The following ATP8A1 variants were observed in gnomAD, a reference collection of about 807,000 sequenced individuals.
ATP8A1 encodes phospholipid-transporting ATPase IA.
Under a neutral mutation model 177.7 loss-of-function variants are expected in ATP8A1, and 90 were observed. The observed-to-expected ratio is 0.51, with a 90% CI of 0.43 to 0.60. The LOEUF (loss-of-function observed/expected upper bound fraction) is 0.60, where lower values mean the gene tolerates loss of function less well. Among genes scored for constraint, ATP8A1 ranks in the 20% least tolerant of loss-of-function variants. The pLI is 0.00. For synonymous variants in ATP8A1, 493 were observed against 485.9 expected (o/e 1.01, Z -0.19); for missense variants, 1,072 against 1,392.8 (o/e 0.77, Z 3.67).
At chr4:42,546,077 C>T (rs1051634761) in intron 19 of ATP8A1, among the ~76,000 whole-genome samples, 1 of 152,046 alleles carries the variant, frequency 6.6e-6, no homozygotes, top group Non-Finnish European at 1.5e-5. Flanking sequence ...ATGGAAGAAA[C>T]ATTTTCCTCT....
In ATP8A1 at chr4:42,558,831, A is replaced by G. The variant is rs139262342; in HGVS notation, c.1341-2791T>C. On this transcript the variant is annotated intron_variant, in intron 15 of 36. Coordinates refer to ENST00000381668, the MANE Select transcript of ATP8A1 (RefSeq NM_006095.2). ...AGGTATCATATATAATTCAGAAAAC[A>G]TAATATATAAATCTGACTACATAAA... 1.2e-3 allele frequency among the ~76,000 whole-genome samples: 188 copies of G among 152,390 alleles called. 1 individual carries two copies. Among genetic ancestry groups the G allele is most frequent in the Middle Eastern group, 3.4e-3 (1 of 294 alleles).
In ATP8A1 at chr4:42,409,640, C is replaced by G. The variant is rs751994166; in HGVS notation, c.*3276G>C. The G allele has an allele frequency of 1.3e-5, 2 of 152,122 alleles. No individual in the cohort carries two copies. The highest frequency in any genetic ancestry group is 1.9e-4 in the East Asian group (1 of 5,180). 9.4% of individuals were successfully genotyped at this position (152,122 alleles called of 1,614,324 possible). On this transcript the variant is annotated 3_prime_UTR_variant, in exon 37 of 37. Transcript: ENST00000381668. ...AAGGGCAACTGCACAAAAATAAACA[C>G]GATTATTTAGCTTTGTAGTAATTAT...
At position 42,619,875 on chromosome 4, in the gene ATP8A1, A is replaced by G. The variant is rs886650153; in HGVS notation, c.364-3797T>C. The stretch of plus-strand genomic sequence containing the variant: ...GTGCTCCATTTCTGGGCCAAAACAT[A>G]GAAGAACTGAGATTCCATCCCCTCT... On this transcript the variant is annotated intron_variant, in intron 4 of 36. Transcript: ENST00000381668. Among the ~76,000 whole-genome samples, 9 of 152,170 alleles carry G rather than the reference A, an allele frequency of 5.9e-5. 1 individual carries two copies. The highest frequency in any genetic ancestry group is 4.1e-4 in the South Asian group (2 of 4,834).
At chr4:42,532,137 G>A (rs932722932) in intron 20 of ATP8A1, among the ~76,000 whole-genome samples, 1 of 151,218 alleles carries the variant, frequency 6.6e-6, no homozygotes, top group Non-Finnish European at 1.5e-5. Flanking sequence ...CAGACACACA[G>A]ACACACACAC....
At chr4:42,552,647 T>A in intron 16 of ATP8A1, 37 bp from the exon 17 acceptor site, 1 of 1,468,956 alleles carries the variant, frequency 6.8e-7, no homozygotes. Context: ...GCCCTTCTCA[T>A]GTGAACATTT....
Position 42,600,500 on chromosome 4 carries a change from C to G in ATP8A1, c.428G>C (p.Trp143Ser). ...TACCTTTTCCCAGTGGACAATTTCC[C>G]AAGCACCATTTCTCAAAACTGGAAA... is the stretch of plus-strand genomic sequence containing the variant. ...KQTQVLRNGA[W>S]EIVHWEKVAV... Residue 143 changes from tryptophan to serine, a missense_variant, in exon 6 of 37, where the codon TGG (tryptophan) becomes TCG (serine). Around this residue, in one of 5 missense-constraint regions of ATP8A1, gnomAD observed 344 missense variants for 393.5 expected, o/e 0.87. Transcript: ENST00000381668. The G allele has an allele frequency of 5.0e-6, 8 of 1,609,370 alleles. No individual in the cohort carries two copies. The highest frequency in any genetic ancestry group is 5.9e-6 in the Non-Finnish European group (7 of 1,178,314).
intron 30 of ATP8A1, among the ~76,000 whole-genome samples, chr4:42,447,713 C>T (rs1254626249): frequency 6.6e-6 from 1 of 152,108 alleles, no homozygotes; most frequent in Non-Finnish European, 1.5e-5. Context: ...TGGGATGAAA[C>T]ACAGAGAGTG....
At chr4:42,546,382 G>C (rs1393674468) in intron 19 of ATP8A1, among the ~76,000 whole-genome samples, 1 of 142,336 alleles carries the variant, frequency 7.0e-6, no homozygotes, top group African/African-American at 2.6e-5. Flanking sequence ...ATTGAACAAT[G>C]AGAACACATG....
intron 15 of ATP8A1, chr4:42,561,366 C>T (rs927986434): frequency 2.0e-5 from 3 of 152,240 alleles, no homozygotes; most frequent in Non-Finnish European, 4.4e-5. Context: ...CTGAGGTGGA[C>T]ATGCCAATGG....
chr4:42,442,495 C>T (rs1716737782), intron 33 of ATP8A1, among the ~76,000 whole-genome samples: 1 of 152,136 alleles, frequency 6.6e-6, no homozygotes, highest in Admixed American at 6.5e-5. Flanking sequence ...GTTAAAATTT[C>T]TAGTTTTCAC....
intron 1 of ATP8A1, among the ~76,000 whole-genome samples, chr4:42,649,500 G>A (rs960309157): frequency 1.3e-5 from 2 of 152,042 alleles, no homozygotes; most frequent in Non-Finnish European, 1.5e-5. Context: ...GATTATATTT[G>A]GATGGCATAG....
intron 25 of ATP8A1, among the ~76,000 whole-genome samples, chr4:42,468,013 A>T (rs944903519): frequency 3.3e-5 from 5 of 152,182 alleles, no homozygotes; most frequent in Non-Finnish European, 7.3e-5. Flanking sequence ...AATGCAAATC[A>T]AAACCACAAT....
intron 31 of ATP8A1, among the ~76,000 whole-genome samples, chr4:42,445,383 G>A (rs960877457): frequency 1.3e-5 from 2 of 152,114 alleles, no homozygotes; most frequent in Non-Finnish European, 2.9e-5. Context: ...GACTGATAAA[G>A]CTTACCAATC....
intron 30 of ATP8A1, among the ~76,000 whole-genome samples, chr4:42,447,209 G>A (rs998209894): frequency 2.6e-5 from 4 of 151,898 alleles, no homozygotes; most frequent in East Asian, 1.9e-4. Context: ...TTTTTTAGAC[G>A]GTCTTACTTT....
In ATP8A1 at chr4:42,455,595, C is replaced by T. The variant is rs1718394981; in HGVS notation, c.2624G>A (p.Trp875Ter). ...KNIVLYIIEI[W>*]FAFVNGFSGQ... ...AGAAAAGCCATTAACAAAGGCAAAC[C>T]AGATCTAGGAAAAAAAACCCAAAAC... The change falls in exon 28 of 37, where the codon TGG (tryptophan) becomes TAG (stop). Residue 875 changes from tryptophan (W) to a stop codon, truncating the protein, a stop_gained. Transcript: ENST00000381668. LOFTEE classifies it high-confidence loss of function. The T allele has an allele frequency of 6.2e-7, 1 of 1,612,562 alleles. No homozygotes were observed. Among genetic ancestry groups the T allele is most frequent in the South Asian group, 1.1e-5 (1 of 90,816 alleles).
At chr4:42,426,945 A>C (rs749992790) in intron 33 of ATP8A1, among the ~76,000 whole-genome samples, 14 of 152,238 alleles carry the variant, frequency 9.2e-5, no homozygotes, top group Non-Finnish European at 1.9e-4. Flanking sequence ...ACACCGGCAT[A>C]ATATATTAAT....
intron 35 of ATP8A1, 114 bp from the exon 36 acceptor site, chr4:42,414,832 C>T (rs1392403198): frequency 1.7e-5 from 13 of 760,694 alleles, no homozygotes; most frequent in East Asian, 5.0e-5. Context: ...TCGAGAAATC[C>T]GTAGCCTAGT....
At chr4:42,641,721 G>C (rs947287202) in intron 1 of ATP8A1, among the ~76,000 whole-genome samples, 1 of 151,868 alleles carries the variant, frequency 6.6e-6, no homozygotes, top group African/African-American at 2.4e-5. Context: ...AAAAGTACTG[G>C]GGAAAAAAAT....
At chr4:42,628,661 A>G (rs1309892250) in intron 1 of ATP8A1, among the ~76,000 whole-genome samples, 1 of 102,398 alleles carries the variant, frequency 9.8e-6, no homozygotes, top group Non-Finnish European at 2.2e-5. Context: ...CTAAACACAT[A>G]CTTTTCCCTC....
Sources: allele counts gnomAD v4.1 joint callset (sites outside exome capture counted in the v4.1 genomes callset), GRCh38; gene constraint gnomAD v4.1.1; regional missense constraint gnomAD v4.1.1; transcripts MANE v1.5; gene names NCBI Gene and HGNC (gene_info 2026-07-23, HGNC 2026-07-21).